Variants in VWA3B observed in about 807,000 individuals in gnomAD.
VWA3B encodes the protein von Willebrand factor A domain-containing protein 3B.
VWA3B carries 138 observed loss-of-function variants against 158.3 expected under a neutral mutation model. The ratio of observed to expected loss-of-function variants is 0.87; its 90% CI spans 0.76 to 1.00. The LOEUF (loss-of-function observed/expected upper bound fraction) is 1.00, where lower values mean the gene tolerates loss of function less well. Among genes scored for constraint, VWA3B ranks in the 50% least tolerant of loss-of-function variants. The probability of loss-of-function intolerance (pLI) is 0.00; values close to 1 mark genes in which losing one functional copy is unlikely to be tolerated. For synonymous variants in VWA3B, 596 were observed against 587.3 expected (o/e 1.01, Z -0.21); for missense variants, 1,555 against 1,565.1 (o/e 0.99, Z 0.11).
chr2:98,147,746 A>G (rs950145183), intron 7 of VWA3B, among the ~76,000 whole-genome samples: 6 of 151,930 alleles, frequency 3.9e-5, no homozygotes, highest in African/African-American at 1.2e-4. Context: ...ACATGTGCAC[A>G]ACGTGCAGGT....
At chr2:98,172,533 G>A (rs559804551) in intron 8 of VWA3B, among the ~76,000 whole-genome samples, 8 of 152,286 alleles carry the variant, frequency 5.3e-5, no homozygotes, top group Admixed American at 3.9e-4. Flanking sequence ...AAACAGAAAC[G>A]CATGTCCCCA....
chr2:98,322,649 G>A, the VWA3B span, among the ~76,000 whole-genome samples: 13 of 152,312 alleles, frequency 8.5e-5, no homozygotes, highest in South Asian at 2.7e-3. Context: ...CAAGCCATGT[G>A]CAGCTTGGGC....
chr2:98,206,701 T>C (rs980202253), intron 12 of VWA3B: 5 of 327,042 alleles, frequency 1.5e-5, no homozygotes, highest in Non-Finnish European at 2.4e-5. Flanking sequence ...TTCTGGTGGC[T>C]AGTATCAAAG....
At chr2:98,108,944 C>G (rs1443161638) in intron 2 of VWA3B, among the ~76,000 whole-genome samples, 1 of 150,950 alleles carries the variant, frequency 6.6e-6, no homozygotes, top group East Asian at 1.9e-4. Flanking sequence ...TTTTGGGTTA[C>G]CTAAACACTT....
At position 98,232,892 on chromosome 2, in the gene VWA3B, G is replaced by A. The variant is rs79106996; in HGVS notation, c.2309-1756G>A. ...TGTCTCTGAGGGGAGAGTTGCAGCA[G>A]CTTCCCCCAGTGTTGTCTCTGAGGT... On this transcript the variant is annotated intron_variant, in intron 16 of 27. Coordinates refer to ENST00000477737, the MANE Select transcript of VWA3B (RefSeq NM_144992.5). Among the ~76,000 whole-genome samples the A allele has an allele frequency of 2.3e-4, 35 of 152,248 alleles. No homozygotes were observed. In the East Asian group the frequency reaches 6.8e-3, roughly 29 times the overall value.
chr2:98,280,840 G>A lies in VWA3B; in HGVS notation c.3046-9671G>A, dbSNP rs116380181. On this transcript the variant is annotated intron_variant, in intron 22 of 27. Transcript: ENST00000477737. ...ATCAAAACCCCCTTAAGCCTTGGCC[G>A]GCCAGGCAGCACTGCCAGCTTTCCC... 6.4e-3 allele frequency among the ~76,000 whole-genome samples: 979 copies of A among 152,278 alleles called. 7 individuals are homozygous for A. The highest frequency in any genetic ancestry group is 0.022 in the African/African-American group (935 of 41,564).
At chr2:98,130,956 T>C (rs998915066) in intron 6 of VWA3B, among the ~76,000 whole-genome samples, 1 of 152,222 alleles carries the variant, frequency 6.6e-6, no homozygotes, top group Admixed American at 6.5e-5. Context: ...TTCTGGCTAT[T>C]GTGAAATATA....
intron 12 of VWA3B, 100 bp downstream of exon 12, chr2:98,194,592 C>A: frequency 6.9e-7 from 1 of 1,443,766 alleles, no homozygotes; most frequent in Non-Finnish European, 9.4e-7. Flanking sequence ...GTTTTGCACT[C>A]TCAGGATGGA....
intron 22 of VWA3B, among the ~76,000 whole-genome samples, chr2:98,284,145 G>A (rs1689034912): frequency 6.6e-6 from 1 of 152,190 alleles, no homozygotes; most frequent in Non-Finnish European, 1.5e-5. Flanking sequence ...AAAGAATATA[G>A]TTCACCATCC....
At chr2:98,183,688 A>C (rs1459726259) in intron 9 of VWA3B, among the ~76,000 whole-genome samples, 1 of 152,226 alleles carries the variant, frequency 6.6e-6, no homozygotes, top group Admixed American at 6.5e-5. Flanking sequence ...AGCCCCTGCT[A>C]TGTACCAGTT....
At chr2:98,126,411 T>C (rs563606006) in intron 5 of VWA3B, among the ~76,000 whole-genome samples, 9 of 152,198 alleles carry the variant, frequency 5.9e-5, no homozygotes, top group Non-Finnish European at 1.0e-4. Context: ...TGCTCCCCTG[T>C]CTCAGGCCAT....
At chr2:98,133,599 T>C in intron 6 of VWA3B, 1 of 509,472 alleles carries the variant, frequency 2.0e-6, no homozygotes, top group Non-Finnish European at 3.5e-6. Context: ...AATGAAAGGA[T>C]GAGTTGTCGG....
chr2:98,129,240 T>A (rs1383549080), intron 6 of VWA3B, among the ~76,000 whole-genome samples: 2 of 148,394 alleles, frequency 1.3e-5, no homozygotes. Flanking sequence ...TGTGTGTGTG[T>A]GTGTGTGTGT....
At chr2:98,094,163 G>A (rs1181004417) in intron 2 of VWA3B, among the ~76,000 whole-genome samples, 2 of 152,190 alleles carry the variant, frequency 1.3e-5, no homozygotes, top group African/African-American at 4.8e-5. Flanking sequence ...ATATCCAGTA[G>A]TGGGATTGCT....
At chr2:98,308,893 C>T (rs887536223) in intron 26 of VWA3B, among the ~76,000 whole-genome samples, 1 of 152,094 alleles carries the variant, frequency 6.6e-6, no homozygotes, top group Admixed American at 6.5e-5. Context: ...GACTCCTGTC[C>T]GGGGGCAGTG....
At chr2:98,275,072 A>G (rs1458035841) in intron 22 of VWA3B, among the ~76,000 whole-genome samples, 1 of 152,166 alleles carries the variant, frequency 6.6e-6, no homozygotes, top group Non-Finnish European at 1.5e-5. Flanking sequence ...ACACTTCACT[A>G]CCTGACATTA....
intron 7 of VWA3B, among the ~76,000 whole-genome samples, chr2:98,146,298 T>G (rs1228581065): frequency 6.6e-6 from 1 of 152,196 alleles, no homozygotes; most frequent in African/African-American, 2.4e-5. Flanking sequence ...ATGTATCAGC[T>G]TCCATTTATT....
In VWA3B at chr2:98,206,977, A is replaced by G; in HGVS notation, c.1738-4953A>G. 6.2e-6 allele frequency: 3 copies of G among 484,824 alleles called. No individual in the cohort carries two copies. The East Asian group carries it at 1.8e-4, about 29-fold the overall frequency. 30.0% of individuals were successfully genotyped at this position (484,824 alleles called of 1,614,324 possible). The stretch of plus-strand genomic sequence containing the variant: ...AGGTCAGATGAATGAACCACATGCT[A>G]CTCATGCCCAGGTAGCTCTGACTGG... On this transcript the variant is annotated intron_variant, in intron 12 of 27. Coordinates refer to ENST00000477737, the MANE Select transcript of VWA3B (RefSeq NM_144992.5).
At chr2:98,281,569 G>C (rs965928701) in intron 22 of VWA3B, among the ~76,000 whole-genome samples, 1 of 152,176 alleles carries the variant, frequency 6.6e-6, no homozygotes, top group African/African-American at 2.4e-5. Flanking sequence ...GTAGAAATGT[G>C]TTCTGTACCT....
Sources: gnomAD v4.1 joint callset for allele counts (sites outside exome capture counted in the v4.1 genomes callset) on GRCh38, gnomAD v4.1.1 for gene constraint, MANE v1.5 for transcripts, NCBI Gene and HGNC (gene_info 2026-07-23, HGNC 2026-07-21) for gene names.